The following ATP6V0A4 variants were observed in gnomAD, a reference collection of about 807,000 sequenced individuals.
ATP6V0A4 encodes ATPase H+ transporting V0 subunit a4.
Under a neutral mutation model 107.3 loss-of-function variants are expected in ATP6V0A4, and 86 were observed. The observed-to-expected ratio is 0.80, with a 90% CI of 0.67 to 0.96. The LOEUF (loss-of-function observed/expected upper bound fraction) is 0.96, where lower values mean the gene tolerates loss of function less well. Ranked by LOEUF, ATP6V0A4 falls within the 40% of genes least tolerant of loss-of-function variation. The pLI, the probability that ATP6V0A4 is intolerant of heterozygous loss-of-function variation, is 0.00. For missense variants in ATP6V0A4, 908 were observed against 1,045.6 expected (o/e 0.87, Z 1.81); for synonymous variants, 353 against 381.4 (o/e 0.93, Z 0.87).
At chr7:138,744,981 G>T in intron 14 of ATP6V0A4, 142 bp downstream of exon 14, 1 of 808,228 alleles carries the variant, frequency 1.2e-6, no homozygotes, top group Non-Finnish European at 2.1e-6. Flanking sequence ...GGGATTACAG[G>T]CATGAGCCAC....
In ATP6V0A4 at chr7:138,752,676, C is replaced by G. The variant is rs754096321; in HGVS notation, c.978G>C (p.Trp326Cys). The part of the protein sequence containing the change: ...VTQQCVIAEI[W>C]FPVADATRIK... ...TACGTGTGGCATCTGCCACCGGGAA[C>G]CAGATCTCGGCGATGACACACTGCT... The change falls in exon 11 of 22, where the codon TGG becomes TGC. Residue 326 changes from tryptophan to cysteine, a missense_variant. Physicochemically the swap from Trp to Cys is radical, Grantham distance 215 (BLOSUM62 -2). Coordinates refer to ENST00000310018, the MANE Select transcript of ATP6V0A4 (RefSeq NM_020632.3). The G allele has an allele frequency of 6.2e-7, 1 of 1,613,968 alleles. No individual in the cohort carries two copies.
At chr7:138,784,251 T>TATAC (rs1808062080) in intron 2 of ATP6V0A4, among the ~76,000 whole-genome samples, 1 of 30,752 alleles carries the variant, frequency 3.3e-5, no homozygotes, top group South Asian at 1.3e-3. Flanking sequence ...TATATATATA[T>TATAC]ACATATATAT....
intron 20 of ATP6V0A4, among the ~76,000 whole-genome samples, chr7:138,714,247 A>AAG (rs1803911142): frequency 6.7e-6 from 1 of 150,246 alleles, no homozygotes; most frequent in African/African-American, 2.5e-5. Flanking sequence ...GGAAAAAAAA[A>AAG]AAAAACGCTC....
At chr7:138,717,154 T>C (rs972571407) in intron 19 of ATP6V0A4, among the ~76,000 whole-genome samples, 1 of 152,128 alleles carries the variant, frequency 6.6e-6, no homozygotes, top group Non-Finnish European at 1.5e-5. Flanking sequence ...GTAGACACTC[T>C]GCACATGGGA....
At chr7:138,723,131 T>C (rs182678329) in intron 18 of ATP6V0A4, among the ~76,000 whole-genome samples, 2 of 151,936 alleles carry the variant, frequency 1.3e-5, no homozygotes, top group East Asian at 3.9e-4. Flanking sequence ...AGAGCCATAA[T>C]TCAAACTCAG....
chr7:138,770,199 A>C (rs772983441), intron 3 of ATP6V0A4, among the ~76,000 whole-genome samples: 5 of 152,134 alleles, frequency 3.3e-5, no homozygotes, highest in African/African-American at 7.2e-5. Flanking sequence ...CTGAAAAAAG[A>C]AAAGTAAAGT....
At chr7:138,718,369 T>C (rs568287626) in intron 19 of ATP6V0A4, among the ~76,000 whole-genome samples, 27 of 83,384 alleles carry the variant, frequency 3.2e-4, no homozygotes, top group Non-Finnish European at 4.7e-4. Context: ...AAGGGGGGAA[T>C]GCAGTCACGG....
chr7:138,706,796 G>A, intron 21 of ATP6V0A4, 79 bp from the exon 22 acceptor site: 1 of 1,589,228 alleles, frequency 6.3e-7, no homozygotes, highest in Admixed American at 1.7e-5. Flanking sequence ...TGGAGGGAAG[G>A]AGGAAGCAGA....
intron 19 of ATP6V0A4, among the ~76,000 whole-genome samples, chr7:138,718,554 G>C (rs1804243879): frequency 1.7e-5 from 2 of 114,720 alleles, no homozygotes; most frequent in Non-Finnish European, 3.7e-5. Context: ...ACCGATGTCT[G>C]CGGAGGGAGA....
At chr7:138,751,063 T>G (rs997576635) in intron 11 of ATP6V0A4, among the ~76,000 whole-genome samples, 1 of 152,040 alleles carries the variant, frequency 6.6e-6, no homozygotes, top group Non-Finnish European at 1.5e-5. Flanking sequence ...GAGGGTTTCT[T>G]CAGATAACAC....
At chr7:138,792,766 G>GTTTTTTGTTT (rs1808474812) in intron 1 of ATP6V0A4, among the ~76,000 whole-genome samples, 39 of 68,590 alleles carry the variant, frequency 5.7e-4, no homozygotes, top group Non-Finnish European at 7.8e-4. Context: ...ACTCAGGTTT[G>GTTTTTTGTTT]TTTTTTTTTT....
chr7:138,707,111 TTATTATATATAA>T (rs1803416827), intron 21 of ATP6V0A4, among the ~76,000 whole-genome samples: 1 of 96,996 alleles, frequency 1.0e-5, no homozygotes, highest in Non-Finnish European at 1.9e-5. Flanking sequence ...ATCATATATA[TTATTATATATAA>T]TATTATATAT....
intron 21 of ATP6V0A4, among the ~76,000 whole-genome samples, chr7:138,707,095 TAA>T (rs1562972238): frequency 0.012 from 1,277 of 110,776 alleles, 60 homozygotes; most frequent in African/African-American, 0.044. Flanking sequence ...TGTGTGTGTA[TAA>T]TATATCATAT....
intron 18 of ATP6V0A4, among the ~76,000 whole-genome samples, chr7:138,723,055 CAAAAAA>C (rs34685977): frequency 8.2e-6 from 1 of 122,416 alleles, no homozygotes; most frequent in Non-Finnish European, 1.7e-5. Context: ...GAGACTGTCT[CAAAAAA>C]AAAAAAAAAA....
intron 15 of ATP6V0A4, 153 bp from the exon 16 acceptor site, chr7:138,734,407 A>G: frequency 1.5e-6 from 1 of 668,542 alleles, no homozygotes; most frequent in Non-Finnish European, 1.8e-6. Flanking sequence ...TTTAGAGTCC[A>G]AAAAGGAAAA....
chr7:138,763,089 A>G (rs570250691), intron 5 of ATP6V0A4, 64 bp from the exon 6 acceptor site: 58 of 1,596,664 alleles, frequency 3.6e-5, no homozygotes, highest in South Asian at 3.5e-4. Flanking sequence ...GAAATACATT[A>G]CCCACAACAG....
chr7:138,706,889 AT>A lies in ATP6V0A4; in HGVS notation c.2430-173del, dbSNP rs11308035. 62,134 of 211,652 alleles carry A rather than the reference AT, an allele frequency of 0.29. 2,896 individuals carry two copies. Among genetic ancestry groups the A allele is most frequent in the African/African-American group, 0.37 (8,711 of 23,474 alleles). 13.1% of individuals were successfully genotyped at this position (211,652 alleles called of 1,614,324 possible). A position where few individuals can be genotyped will look rare whatever the true frequency, so the allele number is the denominator to read the frequency against. ...GATGGCTGCCATGAGAATCCTGAGG[AT>A]TTTTTTTTTTTTTTTTTTTTTGAGA... On this transcript the variant is annotated intron_variant, in intron 21 of 21. Coordinates refer to ENST00000310018, the MANE Select transcript of ATP6V0A4 (RefSeq NM_020632.3).
chr7:138,781,648 C>T (rs556015062), intron 2 of ATP6V0A4, among the ~76,000 whole-genome samples: 1 of 151,358 alleles, frequency 6.6e-6, no homozygotes, highest in South Asian at 2.1e-4. Context: ...ATTTTCTATA[C>T]AGGCAATGAA....
chr7:138,733,417 C>G (rs1442862034), intron 16 of ATP6V0A4, among the ~76,000 whole-genome samples: 1 of 152,018 alleles, frequency 6.6e-6, no homozygotes. Context: ...AGACCTAGCT[C>G]AGAGTTGCAC....
Sources: allele counts gnomAD v4.1 joint callset (sites outside exome capture counted in the v4.1 genomes callset), GRCh38; gene constraint gnomAD v4.1.1; transcripts MANE v1.5; gene names NCBI Gene and HGNC (gene_info 2026-07-23, HGNC 2026-07-21).